Variants in SLC13A1 observed in about 807,000 individuals in gnomAD.
SLC13A1 encodes Na(+)/sulfate cotransporter.
In SLC13A1, 65 loss-of-function variants were observed where a neutral mutation model predicts 70.0. The ratio of observed to expected loss-of-function variants is 0.93; its 90% CI spans 0.76 to 1.14. The LOEUF (loss-of-function observed/expected upper bound fraction) is 1.14. Ranked by LOEUF, SLC13A1 falls within the 50% of genes most tolerant of loss-of-function variation. The pLI is 0.00. For synonymous variants in SLC13A1, 275 were observed against 250.5 expected, an observed-to-expected ratio of 1.10 and a Z score of -0.92; for missense variants, 726 against 717.8, an observed-to-expected ratio of 1.01 and a Z score of -0.13.
chr7:123,170,552 T>A (rs989443417), intron 3 of SLC13A1, among the ~76,000 whole-genome samples: 1 of 152,188 alleles, frequency 6.6e-6, no homozygotes, highest in Admixed American at 6.5e-5. Flanking sequence ...AAGAGATACA[T>A]TTCTGTAGCA....
intron 1 of SLC13A1, among the ~76,000 whole-genome samples, chr7:123,193,747 G>C (rs1796076488): frequency 6.6e-6 from 1 of 152,094 alleles, no homozygotes; most frequent in Non-Finnish European, 1.5e-5. Flanking sequence ...GGATGATATT[G>C]ACTATTTCTA....
chr7:123,117,444 T>A (rs766603611), intron 14 of SLC13A1, 27 bp downstream of exon 14: 1 of 1,603,260 alleles, frequency 6.2e-7, no homozygotes, highest in South Asian at 1.1e-5. Context: ...GTATTGGATT[T>A]GATAGTATTT....
chr7:123,145,826 G>C (rs945911107), intron 7 of SLC13A1, among the ~76,000 whole-genome samples: 1 of 152,166 alleles, frequency 6.6e-6, no homozygotes, highest in African/African-American at 2.4e-5. Context: ...CTAGAATGGA[G>C]ATTGACATTC....
chr7:123,152,426 C>G (rs1794588026), intron 6 of SLC13A1, among the ~76,000 whole-genome samples: 1 of 151,978 alleles, frequency 6.6e-6, no homozygotes, highest in Admixed American at 6.6e-5. Flanking sequence ...TAAGGAATCT[C>G]TATATTGTTT....
chr7:123,123,017 A>T (rs192274971), intron 12 of SLC13A1, 109 bp downstream of exon 12: 1 of 867,736 alleles, frequency 1.2e-6, no homozygotes, highest in East Asian at 2.5e-5. Context: ...AAAATTTGCA[A>T]CATTAAAATG....
intron 3 of SLC13A1, among the ~76,000 whole-genome samples, chr7:123,170,789 C>T (rs1385238440): frequency 6.6e-6 from 1 of 151,952 alleles, no homozygotes; most frequent in Admixed American, 6.6e-5. Context: ...TCACCATACC[C>T]GGCTAAACTT....
chr7:123,140,450 C>T (rs766052666), intron 7 of SLC13A1, among the ~76,000 whole-genome samples: 1 of 151,588 alleles, frequency 6.6e-6, no homozygotes, highest in Non-Finnish European at 1.5e-5. Context: ...GGACTCATAG[C>T]GTTTGAAAGT....
chr7:123,177,105 C>CT (rs1317214981), intron 2 of SLC13A1, among the ~76,000 whole-genome samples: 6 of 152,120 alleles, frequency 3.9e-5, no homozygotes, highest in Non-Finnish European at 8.8e-5. Flanking sequence ...GCACTGAACT[C>CT]TAAGTGTCAG....
intron 1 of SLC13A1, among the ~76,000 whole-genome samples, chr7:123,181,719 A>G (rs1795647960): frequency 6.6e-6 from 1 of 152,130 alleles, no homozygotes; most frequent in African/African-American, 2.4e-5. Context: ...TTCATGTTTT[A>G]GGGCATTGTT....
intron 7 of SLC13A1, among the ~76,000 whole-genome samples, chr7:123,137,939 T>A (rs919158473): frequency 3.9e-5 from 6 of 152,178 alleles, no homozygotes; most frequent in African/African-American, 1.4e-4. Context: ...ACTCTTTTAG[T>A]TATTTTTAAA....
chr7:123,138,928 C>T (rs949576049), intron 7 of SLC13A1, among the ~76,000 whole-genome samples: 26 of 152,006 alleles, frequency 1.7e-4, no homozygotes, highest in South Asian at 4.2e-4. Flanking sequence ...TGATGTGATG[C>T]TATTTGTCCA....
intron 6 of SLC13A1, among the ~76,000 whole-genome samples, chr7:123,164,123 G>A (rs1233520695): frequency 6.6e-6 from 1 of 152,026 alleles, no homozygotes; most frequent in Non-Finnish European, 1.5e-5. Context: ...AGGATTAGGA[G>A]GAAGGATATG....
chr7:123,176,519 G>C (rs1238253527), intron 2 of SLC13A1, among the ~76,000 whole-genome samples: 1 of 152,114 alleles, frequency 6.6e-6, no homozygotes, highest in Admixed American at 6.6e-5. Context: ...TTCTCTCTTA[G>C]TTATGTAATT....
At chr7:123,135,511 T>A (rs1469171541) in intron 7 of SLC13A1, among the ~76,000 whole-genome samples, 1 of 152,160 alleles carries the variant, frequency 6.6e-6, no homozygotes, top group Non-Finnish European at 1.5e-5. Flanking sequence ...TATTTTAATA[T>A]GTTTGAAGTC....
At chr7:123,124,229 G>A (rs890329861) in intron 11 of SLC13A1, among the ~76,000 whole-genome samples, 2 of 152,164 alleles carry the variant, frequency 1.3e-5, no homozygotes, top group African/African-American at 4.8e-5. Flanking sequence ...AGGGAATTCA[G>A]ATGTGGAAAC....
chr7:123,145,636 G>C (rs1025124344), intron 7 of SLC13A1, among the ~76,000 whole-genome samples: 1 of 152,126 alleles, frequency 6.6e-6, no homozygotes, highest in African/African-American at 2.4e-5. Flanking sequence ...ATCCTCACTG[G>C]TACTGTGAGT....
chr7:123,147,438 C>T lies in SLC13A1; in HGVS notation c.661-128G>A, dbSNP rs1054851815. The T allele has an allele frequency of 1.3e-5, 14 of 1,073,542 alleles. No individual in the cohort carries two copies. In the African/African-American group the frequency reaches 1.7e-4, roughly 13 times the overall value. 66.5% of individuals were successfully genotyped at this position (1,073,542 alleles called of 1,614,324 possible). A position where few individuals can be genotyped will look rare whatever the true frequency, so the allele number is the denominator to read the frequency against. On this transcript the variant is annotated intron_variant, in intron 6 of 14. Transcript: ENST00000194130. ...TAACTCCTGATGTGATTGTATTTGGCAATGGGGCATTTGGAAGATACTGTA... is the reference window on the plus strand; with the variant it reads ...TAACTCCTGATGTGATTGTATTTGGTAATGGGGCATTTGGAAGATACTGTA...
chr7:123,169,972 TTG>T (rs1309558137), intron 3 of SLC13A1, among the ~76,000 whole-genome samples: 5 of 152,194 alleles, frequency 3.3e-5, no homozygotes, highest in African/African-American at 1.2e-4. Flanking sequence ...TCCTTTCCTA[TTG>T]TCAAGATCTG....
At chr7:123,124,238 AC>A (rs1793483040) in intron 11 of SLC13A1, among the ~76,000 whole-genome samples, 1 of 152,154 alleles carries the variant, frequency 6.6e-6, no homozygotes, top group Non-Finnish European at 1.5e-5. Context: ...AGATGTGGAA[AC>A]CAGGGAAGCT....
Sources: allele counts gnomAD v4.1 joint callset (sites outside exome capture counted in the v4.1 genomes callset), GRCh38; gene constraint gnomAD v4.1.1; transcripts MANE v1.5; gene names NCBI Gene and HGNC (gene_info 2026-07-23, HGNC 2026-07-21).